Variants in ZNF717 observed in about 807,000 individuals in gnomAD.
The protein encoded by ZNF717 is zinc finger protein 717, also known as krueppel-like factor X17.
Under a neutral mutation model 13.8 loss-of-function variants are expected in ZNF717, and 9 were observed. The observed-to-expected ratio is 0.65, with a 90% confidence interval of 0.39 to 1.14. The LOEUF is 1.14. ZNF717 is among the 50% of genes most tolerant of loss of function. The pLI, the probability that ZNF717 is intolerant of heterozygous loss-of-function variation, is 0.01. For missense variants in ZNF717, 1,040 were observed against 1,080.7 expected (o/e 0.96, Z 0.53); for synonymous variants, 327 against 364.1 (o/e 0.90, Z 1.16).
chr3:75,756,126 G>A (rs1042444594), intron 2 of ZNF717, among the ~76,000 whole-genome samples: 1 of 152,240 alleles, frequency 6.6e-6, no homozygotes. Flanking sequence ...CATTCTCACA[G>A]TAATTTAAGC....
downstream of ZNF717, among the ~76,000 whole-genome samples, chr3:75,735,013 G>T (rs1199689973): frequency 5.3e-5 from 8 of 151,858 alleles, no homozygotes; most frequent in Non-Finnish European, 1.2e-4. Context: ...TTTTAGTAAA[G>T]ATGGGGTTTC....
At chr3:75,749,315 T>C (rs1941468375) in intron 2 of ZNF717, among the ~76,000 whole-genome samples, 1 of 151,722 alleles carries the variant, frequency 6.6e-6, no homozygotes, top group Non-Finnish European at 1.5e-5. Flanking sequence ...GACCCTTACA[T>C]AGAATTCCAG....
intron 2 of ZNF717, among the ~76,000 whole-genome samples, chr3:75,771,574 C>G (rs1943872108): frequency 6.6e-6 from 1 of 152,242 alleles, no homozygotes; most frequent in Non-Finnish European, 1.5e-5. Context: ...TGCTGAGGTA[C>G]AAGCAAGGCA....
chr3:75,728,138 T>C (rs1453303362), downstream of ZNF717, among the ~76,000 whole-genome samples: 9 of 152,206 alleles, frequency 5.9e-5, no homozygotes, highest in African/African-American at 1.9e-4. Flanking sequence ...ATATACACCA[T>C]CTAGGGTTAT....
intron 2 of ZNF717, among the ~76,000 whole-genome samples, chr3:75,753,965 G>A (rs115370669): frequency 7.3e-4 from 111 of 152,184 alleles, no homozygotes; most frequent in African/African-American, 2.6e-3. Context: ...ACGGCTACGA[G>A]GGTCTGAATG....
intron 2 of ZNF717, among the ~76,000 whole-genome samples, chr3:75,763,290 T>TG (rs1943178262): frequency 1.3e-5 from 2 of 152,228 alleles, no homozygotes; most frequent in African/African-American, 4.8e-5. Flanking sequence ...TTGAAATGCT[T>TG]GGGATGTGTT....
downstream of ZNF717, among the ~76,000 whole-genome samples, chr3:75,728,603 T>C (rs1938348158): frequency 1.3e-5 from 2 of 152,078 alleles, no homozygotes; most frequent in Non-Finnish European, 2.9e-5. Context: ...TGATAATGAG[T>C]CACATGAGAT....
At chr3:75,766,726 A>G (rs546064846) in intron 2 of ZNF717, among the ~76,000 whole-genome samples, 19 of 152,406 alleles carry the variant, frequency 1.2e-4, no homozygotes, top group Non-Finnish European at 2.4e-4. Flanking sequence ...CACTACCAAG[A>G]CAGACTGTAT....
chr3:75,766,531 C>T (rs1400293126), intron 2 of ZNF717, among the ~76,000 whole-genome samples: 2 of 152,096 alleles, frequency 1.3e-5, no homozygotes, highest in Non-Finnish European at 2.9e-5. Flanking sequence ...ACACACAAAA[C>T]CTCAAAGTAC....
chr3:75,773,886 C>A (rs528762251), intron 2 of ZNF717, among the ~76,000 whole-genome samples: 4 of 152,140 alleles, frequency 2.6e-5, no homozygotes, highest in Non-Finnish European at 4.4e-5. Flanking sequence ...CCCATCTCTA[C>A]TAAAAACACA....
Position 75,778,680 on chromosome 3 carries a change from C to G in ZNF717, c.57+4626G>C, listed in dbSNP as rs535246125. On this transcript the variant is annotated intron_variant, in intron 2 of 4. Transcript: ENST00000652011. ...GGAGTGACGTGCTAAACCAAAAACC[C>G]AAAACAATGGGAGTGACGTGCTAAA... is the stretch of plus-strand genomic sequence containing the variant. 4.6e-3 allele frequency among the ~76,000 whole-genome samples: 693 copies of G among 151,448 alleles called. 27 individuals are homozygous for G. The highest frequency in any genetic ancestry group is 0.039 in the Admixed American group (591 of 15,128).
intron 2 of ZNF717, among the ~76,000 whole-genome samples, chr3:75,762,839 C>T (rs768055213): frequency 6.6e-6 from 1 of 152,074 alleles, no homozygotes; most frequent in Non-Finnish European, 1.5e-5. Context: ...GACATAAAGA[C>T]ACACGAGAAA....
At chr3:75,700,458 C>T (rs548173511) in intron 6 of ZNF717, among the ~76,000 whole-genome samples, 55 of 152,100 alleles carry the variant, frequency 3.6e-4, no homozygotes, top group African/African-American at 1.2e-3. Flanking sequence ...ATGGAACCAT[C>T]GCAAAACACC....
chr3:75,748,974 C>T (rs889435462), intron 2 of ZNF717, among the ~76,000 whole-genome samples: 1 of 151,964 alleles, frequency 6.6e-6, no homozygotes, highest in African/African-American at 2.4e-5. Flanking sequence ...GAGTGTTTGT[C>T]CCTCACATAG....
At position 75,737,595 on chromosome 3, in the gene ZNF717, A is replaced by G. The variant is rs778624268; in HGVS notation, c.2028T>C (p.Asp676=). 96 of 1,544,210 alleles carry G rather than the reference A, an allele frequency of 6.2e-5. 1 individual carries two copies. In the African/African-American group the frequency reaches 1.2e-3, roughly 19 times the overall value. ...QRTHTGKNRM[D]VMNVEKLFVR... ...CAAAAAGTTTTTCCACATTCATTAC[A>G]TCCATACGGTTTTTCCCCGTGTGAG... Residue 676 remains aspartate, a synonymous_variant, in exon 5 of 5, where the codon GAT becomes GAC. Transcript: ENST00000652011.
chr3:75,740,963 A>AT (rs1453296931), intron 4 of ZNF717, among the ~76,000 whole-genome samples: 1 of 152,010 alleles, frequency 6.6e-6, no homozygotes. Flanking sequence ...AATGTCTAAA[A>AT]AAATTTTTAA....
exon 6 of ZNF717, chr3:75,730,419 T>A (rs1938459732): frequency 2.1e-6 from 1 of 470,322 alleles, no homozygotes. Flanking sequence ...AAAGGGGAGT[T>A]TTATTTCCAG....
chr3:75,719,680 G>C lies in ZNF717; in HGVS notation n.545-3139C>G, dbSNP rs73114951. Among the ~76,000 whole-genome samples, 5 of 152,268 alleles carry C rather than the reference G, an allele frequency of 3.3e-5. No individual in the cohort carries two copies. In the East Asian group the frequency reaches 9.7e-4, roughly 29 times the overall value. ...TCTACTTTAGAAAACATCTTGGCCA[G>C]ATGCAGTGGCTCATGCCTGTAATCC... On this transcript the variant is annotated intron_variant and non_coding_transcript_variant, in intron 4 of 5. Transcript: ENST00000491507.
downstream of ZNF717, among the ~76,000 whole-genome samples, chr3:75,727,077 T>C (rs1938296569): frequency 1.3e-5 from 2 of 152,272 alleles, no homozygotes; most frequent in African/African-American, 4.8e-5. Context: ...TGTGAAGATT[T>C]CATGGACATT....
Sources: gnomAD v4.1 joint callset for allele counts (sites outside exome capture counted in the v4.1 genomes callset) on GRCh38, gnomAD v4.1.1 for gene constraint, MANE v1.5 for transcripts, NCBI Gene and HGNC (gene_info 2026-07-23, HGNC 2026-07-21) for gene names.